CPE: variants seen among roughly 807,000 people sequenced by gnomAD.
CPE encodes the protein carboxypeptidase E.
CPE carries 17 observed loss-of-function variants against 53.5 expected under a neutral mutation model. The observed-to-expected ratio is 0.32, with a 90% confidence interval of 0.22 to 0.48. The LOEUF is 0.48. Among genes scored for constraint, CPE ranks in the 20% least tolerant of loss-of-function variants. The pLI, the probability that CPE is intolerant of heterozygous loss-of-function variation, is 0.99. For missense variants in CPE, 524 were observed against 614.7 expected, an observed-to-expected ratio of 0.85 and a Z score of 1.56; for synonymous variants, 226 against 228.8, an observed-to-expected ratio of 0.99 and a Z score of 0.11.
chr4:165,497,695 A>AG lies in CPE; in HGVS notation c.*85_*86insG. 1 of 560,650 alleles carries AG rather than the reference A, an allele frequency of 1.8e-6. No individual in the cohort carries two copies. The highest frequency in any genetic ancestry group is 2.8e-6 in the Non-Finnish European group (1 of 354,976). 34.7% of individuals were successfully genotyped at this position (560,650 alleles called of 1,614,324 possible). On this transcript the variant is annotated 3_prime_UTR_variant, in exon 9 of 9. Coordinates refer to ENST00000402744, the MANE Select transcript of CPE (RefSeq NM_001873.4). ...TCTTTTTTTTAGATTTTGTGCAGTT[A>AG]ATACTTAACATTGATTTATTTTTTA...
Position 165,384,197 on chromosome 4 carries a change from A to G in CPE, c.307+4669A>G, listed in dbSNP as rs1730549364. On this transcript the variant is annotated intron_variant, in intron 1 of 8. Transcript: ENST00000402744. ...TCTCAAAATATATTCCATAGAACAT[A>G]TATTCAGCATGGTTTGATAGGCATT... Among the ~76,000 whole-genome samples, 2 of 152,268 alleles carry G rather than the reference A, an allele frequency of 1.3e-5. 1 individual carries two copies. Among genetic ancestry groups the G allele is most frequent in the South Asian group, 4.1e-4 (2 of 4,838 alleles).
chr4:165,452,345 G>T (rs1173405804), intron 1 of CPE, among the ~76,000 whole-genome samples: 1 of 152,084 alleles, frequency 6.6e-6, no homozygotes, highest in Non-Finnish European at 1.5e-5. Flanking sequence ...GGATATCCTA[G>T]TTACCCAAAT....
chr4:165,386,120 T>A (rs1730586710), intron 1 of CPE: 1 of 396,212 alleles, frequency 2.5e-6, no homozygotes, highest in East Asian at 7.7e-5. Flanking sequence ...TCTCCCAAAT[T>A]CATCACCTAT....
intron 6 of CPE, among the ~76,000 whole-genome samples, chr4:165,492,913 T>A (rs529773490): frequency 2.8e-4 from 43 of 152,304 alleles, no homozygotes; most frequent in Non-Finnish European, 5.3e-4. Flanking sequence ...TGACACTTTT[T>A]AAAATGATTT....
rs28545152 is a variant in CPE at position 165,485,260 on chromosome 4, G to C, written c.973+656G>C. The stretch of plus-strand genomic sequence containing the variant: ...AGCTCGTATTTTCACTAACACTCAA[G>C]GATGAAGAGTGAAATGCGAAGATAT... On this transcript the variant is annotated intron_variant, in intron 5 of 8. Transcript: ENST00000402744. Among the ~76,000 whole-genome samples, 1,171 of 152,174 alleles carry C rather than the reference G, an allele frequency of 7.7e-3. 17 individuals are homozygous for C. The highest frequency in any genetic ancestry group is 0.027 in the African/African-American group (1,125 of 41,512).
chr4:165,481,010 ATATATAT>A (rs1175919480), intron 3 of CPE, among the ~76,000 whole-genome samples: 2 of 65,056 alleles, frequency 3.1e-5, no homozygotes, highest in African/African-American at 5.1e-5. Context: ...ATATATATAT[ATATATAT>A]TTTTTTTTTT....
At chr4:165,404,491 C>T (rs780604894) in intron 1 of CPE, 40 of 789,760 alleles carry the variant, frequency 5.1e-5, no homozygotes, top group Non-Finnish European at 7.7e-5. Flanking sequence ...CCTTGGACAC[C>T]ATCTATGTCA....
At chr4:165,459,436 CTTGA>C (rs1267256057) in intron 1 of CPE, among the ~76,000 whole-genome samples, 1 of 151,986 alleles carries the variant, frequency 6.6e-6, no homozygotes, top group Non-Finnish European at 1.5e-5. Context: ...TTAATAATGG[CTTGA>C]TTGATGATTG....
intron 3 of CPE, 23 bp from the exon 4 acceptor site, chr4:165,482,219 C>A: frequency 6.9e-7 from 1 of 1,450,282 alleles, no homozygotes. Flanking sequence ...ATTTATAATC[C>A]TTTTAATCTC....
intron 4 of CPE, among the ~76,000 whole-genome samples, chr4:165,483,635 G>C (rs1732457292): frequency 6.6e-6 from 1 of 152,158 alleles, no homozygotes; most frequent in African/African-American, 2.4e-5. Context: ...GACAACATCT[G>C]TTGTTTTTTG....
chr4:165,381,307 CT>C (rs1378385309), intron 1 of CPE: 6 of 456,122 alleles, frequency 1.3e-5, no homozygotes, highest in Non-Finnish European at 2.6e-5. Context: ...AGTGGGGACC[CT>C]GATTCCAGCA....
At chr4:165,467,638 C>T in intron 2 of CPE, 50 bp from the exon 3 acceptor site, 5 of 1,520,228 alleles carry the variant, frequency 3.3e-6, no homozygotes, top group Non-Finnish European at 4.4e-6. Flanking sequence ...TAGAAAGTGA[C>T]ATAATAATAA....
intron 1 of CPE, chr4:165,404,399 T>C: frequency 1.3e-6 from 1 of 765,212 alleles, no homozygotes; most frequent in Non-Finnish European, 2.4e-6. Context: ...TAAAATACCG[T>C]TCATGTCAGA....
chr4:165,465,864 A>T (rs941348424), intron 2 of CPE, among the ~76,000 whole-genome samples: 11 of 152,206 alleles, frequency 7.2e-5, no homozygotes, highest in African/African-American at 2.7e-4. Flanking sequence ...GGTTGCTGTG[A>T]TTTACAGAGG....
At chr4:165,428,723 G>A (rs991989634) in intron 1 of CPE, among the ~76,000 whole-genome samples, 3 of 152,184 alleles carry the variant, frequency 2.0e-5, no homozygotes, top group Non-Finnish European at 4.4e-5. Flanking sequence ...GTGGGTGCCA[G>A]CATTCCTTGA....
At chr4:165,489,921 A>G (rs904463686) in intron 6 of CPE, among the ~76,000 whole-genome samples, 3 of 152,212 alleles carry the variant, frequency 2.0e-5, no homozygotes, top group Non-Finnish European at 4.4e-5. Flanking sequence ...TTGATATGGC[A>G]TTGTCATTAG....
intron 2 of CPE, 30 bp downstream of exon 2, chr4:165,464,616 G>T: frequency 6.5e-7 from 1 of 1,540,536 alleles, no homozygotes. Flanking sequence ...GATCAGGCGT[G>T]CTTTCTTCAT....
chr4:165,454,335 C>T (rs1731864561), intron 1 of CPE, among the ~76,000 whole-genome samples: 1 of 151,516 alleles, frequency 6.6e-6, no homozygotes, highest in Non-Finnish European at 1.5e-5. Flanking sequence ...ATGTTCGACA[C>T]CGCAAGTCTT....
At position 165,398,067 on chromosome 4, in the gene CPE, A is replaced by C. The variant is rs926500668; in HGVS notation, c.307+18539A>C. ...CCTCATTTCTAAAAAAAAAAAAAAA[A>C]AAAACAAAACCCCACTAAGGTTTTA... On this transcript the variant is annotated intron_variant, in intron 1 of 8. Transcript: ENST00000402744. Among the ~76,000 whole-genome samples, 31 of 151,466 alleles carry C rather than the reference A, an allele frequency of 2.0e-4. 1 individual carries two copies. The highest frequency in any genetic ancestry group is 5.3e-4 in the Admixed American group (8 of 15,212).
Sources: gnomAD v4.1 joint callset for allele counts (sites outside exome capture counted in the v4.1 genomes callset) on GRCh38, gnomAD v4.1.1 for gene constraint, MANE v1.5 for transcripts, NCBI Gene and HGNC (gene_info 2026-07-23, HGNC 2026-07-21) for gene names.